Variants in MED27 observed in about 807,000 individuals in gnomAD.
MED27 encodes mediator complex subunit 27, also known as mediator of RNA polymerase II transcription subunit 27.
Under a neutral mutation model 38.2 loss-of-function variants are expected in MED27, and 30 were observed. That is an observed-to-expected ratio of 0.79 (90% CI 0.59 to 1.07). MED27 has a LOEUF of 1.07. Among genes scored for constraint, MED27 ranks in the 50% least tolerant of loss-of-function variants. The pLI is 0.00. For missense variants in MED27, 289 were observed against 397.5 expected, an observed-to-expected ratio of 0.73 and a Z score of 2.32; for synonymous variants, 122 against 153.5, an observed-to-expected ratio of 0.79 and a Z score of 1.52.
At chr9:131,901,712 C>G (rs1420274825) in intron 4 of MED27, among the ~76,000 whole-genome samples, 1 of 152,180 alleles carries the variant, frequency 6.6e-6, no homozygotes. Flanking sequence ...TAGATACGGT[C>G]TGTAAAAGCT....
intron 3 of MED27, among the ~76,000 whole-genome samples, chr9:131,976,495 T>C (rs1831610821): frequency 6.6e-6 from 1 of 152,232 alleles, no homozygotes; most frequent in Admixed American, 6.5e-5. Context: ...GTGATAGGAT[T>C]ATTCCCAGGA....
In MED27 at chr9:131,862,644, T is replaced by A. The variant is rs1244876542; in HGVS notation, c.801+419A>T. On this transcript the variant is annotated intron_variant, in intron 7 of 7. Transcript: ENST00000292035. This position sits in a 1 kb window ranked among gnomAD's most constrained non-coding sequence, Gnocchi z 4.6. ...GCAGCACCCCATTGGAATGGCTGCT[T>A]TGGGGCTGCTATCATCTCGAGCTCC... Among the ~76,000 whole-genome samples the A allele has an allele frequency of 1.3e-5, 2 of 152,140 alleles. No homozygotes were observed. The highest frequency in any genetic ancestry group is 3.9e-4 in the East Asian group (2 of 5,192).
intron 3 of MED27, among the ~76,000 whole-genome samples, chr9:131,972,824 G>A (rs1444853440): frequency 6.6e-6 from 1 of 152,140 alleles, no homozygotes; most frequent in Non-Finnish European, 1.5e-5. Flanking sequence ...GACACGGGTG[G>A]GTCATCTGAG....
At chr9:131,994,262 T>C (rs754300290) in intron 3 of MED27, among the ~76,000 whole-genome samples, 1 of 152,208 alleles carries the variant, frequency 6.6e-6, no homozygotes, top group Non-Finnish European at 1.5e-5. Flanking sequence ...TGAGAACTTA[T>C]TGTATTTGAC....
chr9:131,973,671 A>G (rs907537688), intron 3 of MED27, among the ~76,000 whole-genome samples: 1 of 151,632 alleles, frequency 6.6e-6, no homozygotes, highest in African/African-American at 2.4e-5. Flanking sequence ...AGCAGTTTAC[A>G]AAGATGACAT....
rs530499121 is a variant in MED27 at position 131,954,249 on chromosome 9, G to T, written c.480-14775C>A. 4.6e-5 allele frequency among the ~76,000 whole-genome samples: 7 copies of T among 152,332 alleles called. No homozygotes were observed. In the South Asian group the frequency reaches 1.2e-3, roughly 27 times the overall value. On this transcript the variant is annotated intron_variant, in intron 3 of 7. Coordinates refer to ENST00000292035, the MANE Select transcript of MED27 (RefSeq NM_004269.4). The stretch of plus-strand genomic sequence containing the variant: ...GCCAGTGATCAATCAGCTGGGAGCT[G>T]ACCACACTGGGATGCATGTCTGGGA...
intron 4 of MED27, among the ~76,000 whole-genome samples, chr9:131,934,325 C>T (rs763129670): frequency 6.6e-6 from 1 of 151,936 alleles, no homozygotes; most frequent in African/African-American, 2.4e-5. Flanking sequence ...AAACAATCAA[C>T]AAAGTGAAGA....
intron 4 of MED27, among the ~76,000 whole-genome samples, chr9:131,930,713 A>G (rs1440174294): frequency 6.6e-6 from 1 of 152,226 alleles, no homozygotes; most frequent in African/African-American, 2.4e-5. Context: ...ACAGAAAAAC[A>G]CGTAATATTA....
intron 4 of MED27, among the ~76,000 whole-genome samples, chr9:131,907,267 G>A (rs1032931084): frequency 6.6e-6 from 1 of 152,036 alleles, no homozygotes; most frequent in East Asian, 1.9e-4. Flanking sequence ...CTCTGATGCC[G>A]AGCCGAAGCT....
At chr9:132,055,392 C>T (rs1833554097) in intron 2 of MED27, among the ~76,000 whole-genome samples, 1 of 152,206 alleles carries the variant, frequency 6.6e-6, no homozygotes, top group African/African-American at 2.4e-5. Context: ...CCAGATGGAG[C>T]TTTTGTAAGT....
chr9:131,974,883 T>C (rs1378817524), intron 3 of MED27, among the ~76,000 whole-genome samples: 1 of 152,232 alleles, frequency 6.6e-6, no homozygotes, highest in Non-Finnish European at 1.5e-5. Flanking sequence ...AGTGTTTTCC[T>C]ACATCTCCCC....
At chr9:131,991,999 A>G (rs181115687) in intron 3 of MED27, among the ~76,000 whole-genome samples, 3 of 152,216 alleles carry the variant, frequency 2.0e-5, no homozygotes, top group Admixed American at 2.0e-4. Context: ...GGGATTAGAG[A>G]CGTGAGCCAC....
intron 4 of MED27, among the ~76,000 whole-genome samples, chr9:131,920,482 A>G (rs913321850): frequency 6.6e-6 from 1 of 152,230 alleles, no homozygotes; most frequent in African/African-American, 2.4e-5. Flanking sequence ...GCATTCTTCT[A>G]GGGGGTTGGG....
rs76878370 is a variant in MED27, at chr9:131,884,119, G to C, written c.682-20C>G. The C allele has an allele frequency of 6.9e-6, 11 of 1,593,380 alleles. No homozygotes were observed. Among genetic ancestry groups the C allele is most frequent in the African/African-American group, 1.3e-5 (1 of 74,110 alleles). On this transcript the variant is annotated intron_variant, in intron 5 of 7. Transcript: ENST00000292035. ...ATCAAGCTGAGGGGAAAGGAGAGAAGGATCATCAGCATCGGTCTTAGAATT... is the reference window on the plus strand; with the variant it reads ...ATCAAGCTGAGGGGAAAGGAGAGAACGATCATCAGCATCGGTCTTAGAATT...
intron 4 of MED27, among the ~76,000 whole-genome samples, chr9:131,931,246 A>G (rs1830580861): frequency 6.6e-6 from 1 of 152,164 alleles, no homozygotes; most frequent in Non-Finnish European, 1.5e-5. Flanking sequence ...CCTTATCTCA[A>G]AAATAAATAA....
chr9:131,990,242 C>T (rs1162022452), intron 3 of MED27, among the ~76,000 whole-genome samples: 2 of 152,136 alleles, frequency 1.3e-5, no homozygotes, highest in African/African-American at 2.4e-5. Flanking sequence ...ATGATTGAGC[C>T]CAAAGATACC....
intron 3 of MED27, among the ~76,000 whole-genome samples, chr9:131,944,365 T>C (rs1040061580): frequency 4.6e-5 from 7 of 152,040 alleles, no homozygotes; most frequent in Non-Finnish European, 7.4e-5. Context: ...TGACGTCTGA[T>C]TGTTTCAAAT....
chr9:132,050,303 GA>G (rs929212850), intron 2 of MED27, among the ~76,000 whole-genome samples: 8 of 152,202 alleles, frequency 5.3e-5, no homozygotes, highest in African/African-American at 1.9e-4. Context: ...ACAGAAAATG[GA>G]ACAGTCTGAC....
intron 4 of MED27, among the ~76,000 whole-genome samples, chr9:131,911,141 T>C (rs2131537451): frequency 6.6e-6 from 1 of 152,290 alleles, no homozygotes; most frequent in African/African-American, 2.4e-5. Flanking sequence ...AGTGCACCAA[T>C]AAAGAGTCAA....
Sources: allele counts gnomAD v4.1 joint callset (sites outside exome capture counted in the v4.1 genomes callset), GRCh38; gene constraint gnomAD v4.1.1; non-coding constraint Gnocchi (gnomAD v3.1); transcripts MANE v1.5; gene names NCBI Gene and HGNC (gene_info 2026-07-23, HGNC 2026-07-21).